HMCN2: variants seen among roughly 807,000 people sequenced by gnomAD.
HMCN2 encodes hemicentin-2.
In HMCN2, 325 loss-of-function variants were observed where a neutral mutation model predicts 377.5. That is an observed-to-expected ratio of 0.86 (90% CI 0.79 to 0.94). HMCN2 has a LOEUF of 0.94. Among genes scored for constraint, HMCN2 ranks in the 40% least tolerant of loss-of-function variants. HMCN2 has a pLI of 0.00. For synonymous variants in HMCN2, 2,007 were observed against 2,046.8 expected, an observed-to-expected ratio of 0.98 and a Z score of 0.53; for missense variants, 4,543 against 4,725.3, an observed-to-expected ratio of 0.96 and a Z score of 1.13.
Position 130,429,694 on chromosome 9 carries a change from A to C in HMCN2, c.14326+9A>C, listed in dbSNP as rs374822333. On this transcript the variant is annotated intron_variant, in intron 94 of 97. Coordinates refer to ENST00000683500, the MANE Select transcript of HMCN2 (RefSeq NM_001291815.2). ...CAGCCTGCCCTGCCTAGGTACGGGG[A>C]CACCCACCCTCTGGCCACACCGCTG... is the stretch of plus-strand genomic sequence containing the variant. 4.2e-4 allele frequency: 563 copies of C among 1,329,708 alleles called. 5 individuals are homozygous for C. The African/African-American group carries it at 7.6e-3, about 18-fold the overall frequency. The allele number at this position is 1,329,708 out of a possible 1,614,324, so 82.4% of individuals were successfully genotyped here. A position where few individuals can be genotyped will look rare whatever the true frequency, so the allele number is the denominator to read the frequency against.
rs1554936055 is a variant in HMCN2 at position 130,304,865 on chromosome 9, C to T, written c.1679C>T (p.Ser560Leu). ...CGGGACTGGCGAGTCCTGCCGGCCTCGACGGGCCGAGTTGCCCAGCTGGCT... is the reference window on the plus strand; with the variant it reads ...CGGGACTGGCGAGTCCTGCCGGCCTTGACGGGCCGAGTTGCCCAGCTGGCT... ...WVRDWRVLPASTGRVAQLADL... is the reference protein window; with the variant it reads ...WVRDWRVLPALTGRVAQLADL... Residue 560 changes from serine to leucine, a missense_variant, in exon 11 of 98, where the codon TCG (serine) becomes TTG (leucine). By Grantham distance (145) the Ser-to-Leu change is moderately radical. Around this residue, in one of 5 missense-constraint regions of HMCN2, gnomAD observed 547 missense variants for 189.9 expected, o/e 2.88. Transcript: ENST00000683500. This position sits in a 1 kb window ranked among gnomAD's most constrained non-coding sequence, Gnocchi z 4.3. 6.4e-6 allele frequency: 3 copies of T among 470,998 alleles called. No homozygotes were observed. Among genetic ancestry groups the T allele is most frequent in the Admixed American group, 4.7e-5 (2 of 42,564 alleles). The allele number at this position is 470,998 out of a possible 1,614,324, so 29.2% of individuals were successfully genotyped here.
rs181258640 is a variant in HMCN2 at position 130,363,240 on chromosome 9, C to A, written c.6232+250C>A. 5.3e-5 allele frequency among the ~76,000 whole-genome samples: 8 copies of A among 152,264 alleles called. No homozygotes were observed. In the South Asian group the frequency reaches 1.7e-3, roughly 32 times the overall value. On this transcript the variant is annotated intron_variant, in intron 40 of 97. Coordinates refer to ENST00000683500, the MANE Select transcript of HMCN2 (RefSeq NM_001291815.2). ...GCTCTGCCCCATGTTCAGGGAGACG[C>A]GGAAGGGGTGTGAAGTAGCAGGAAC...
rs753615980 is a variant in HMCN2, at chr9:130,370,973, A to G, written c.7079A>G (p.Glu2360Gly). The G allele has an allele frequency of 1.5e-5, 15 of 986,028 alleles. No individual in the cohort carries two copies. Among genetic ancestry groups the G allele is most frequent in the Non-Finnish European group, 1.8e-5 (15 of 830,156 alleles). The allele number at this position is 986,028 out of a possible 1,614,324, so 61.1% of individuals were successfully genotyped here. Reference sequence around the variant, plus strand: ...TCTTCTTTGTGTCCAGTGCCCCCAGAGCTCATTGGAGACTTGGACCCGCTG... The same window carrying G: ...TCTTCTTTGTGTCCAGTGCCCCCAGGGCTCATTGGAGACTTGGACCCGCTG... ...KFELSVLVPP[E>G]LIGDLDPLTN... Residue 2360 changes from glutamate to glycine, a missense_variant, in exon 46 of 98, where the codon GAG (glutamate) becomes GGG (glycine). Transcript: ENST00000683500.
chr9:130,352,836 T>C (rs2131530111), intron 30 of HMCN2, 91 bp from the exon 31 acceptor site: 2 of 1,068,920 alleles, frequency 1.9e-6, no homozygotes, highest in Non-Finnish European at 2.4e-6. Flanking sequence ...TGGTGTGTCT[T>C]GTGGCCCAAA....
intron 19 of HMCN2, among the ~76,000 whole-genome samples, chr9:130,322,360 A>G (rs1837904096): frequency 6.7e-6 from 1 of 150,360 alleles, no homozygotes; most frequent in Non-Finnish European, 1.5e-5. Context: ...CTATCTATCT[A>G]TCCATCTGTC....
At chr9:130,359,723 C>G (rs1262121880) in intron 37 of HMCN2, among the ~76,000 whole-genome samples, 2 of 152,084 alleles carry the variant, frequency 1.3e-5, no homozygotes, top group Non-Finnish European at 2.9e-5. Context: ...AGGGTCCTCC[C>G]CTCTAGACCA....
In HMCN2 at chr9:130,369,707, G is replaced by A; in HGVS notation, c.6925G>A (p.Gly2309Arg). The A allele has an allele frequency of 1.0e-6, 1 of 986,026 alleles. No individual in the cohort carries two copies. Among genetic ancestry groups the A allele is most frequent in the Non-Finnish European group, 1.2e-6 (1 of 830,052 alleles). 61.1% of individuals were successfully genotyped at this position (986,026 alleles called of 1,614,324 possible). Residue 2309 changes from glycine to arginine, a missense_variant, in exon 45 of 98, where the codon GGG (glycine) becomes AGG (arginine). Gly to Arg is a moderately radical substitution (Grantham distance 125, BLOSUM62 -2). This residue lies in a region of HMCN2 where 1,032 missense variants were observed against 1,285.1 expected (regional missense o/e 0.80). Transcript: ENST00000683500. The surrounding 1 kb of genome is among the most constrained non-coding windows in gnomAD (Gnocchi z 4.5). ...VTWERDGQPV[G>R]AELGLQLQNQ... ...ATGGGAGCGGGACGGCCAGCCCGTGGGGGCTGAACTGGGCCTGCAGCTGCA... is the reference window on the plus strand; with the variant it reads ...ATGGGAGCGGGACGGCCAGCCCGTGAGGGCTGAACTGGGCCTGCAGCTGCA...
rs754348649 is a variant in HMCN2 at position 130,352,478 on chromosome 9, C to T, written c.4586-449C>T. 9.2e-4 allele frequency among the ~76,000 whole-genome samples: 140 copies of T among 152,170 alleles called. 3 individuals carry two copies. The highest frequency in any genetic ancestry group is 1.0e-4 in the Non-Finnish European group (7 of 68,018). Reference sequence around the variant, plus strand: ...CGGATAGAAGGAGATTTGGGAGGGGCGTAACCATTCCATTCTGAGATGCAG... The same window carrying T: ...CGGATAGAAGGAGATTTGGGAGGGGTGTAACCATTCCATTCTGAGATGCAG... On this transcript the variant is annotated intron_variant, in intron 30 of 97. Coordinates refer to ENST00000683500, the MANE Select transcript of HMCN2 (RefSeq NM_001291815.2).
At chr9:130,274,705 G>C (rs750326473) in intron 1 of HMCN2, among the ~76,000 whole-genome samples, 17 of 152,054 alleles carry the variant, frequency 1.1e-4, no homozygotes, top group Non-Finnish European at 1.8e-4. Flanking sequence ...ACATTCACTC[G>C]TGTTAAACAT....
At position 130,285,195 on chromosome 9, in the gene HMCN2, T is replaced by G. The variant is rs1554927205; in HGVS notation, c.368T>G (p.Ile123Ser). Residue 123 changes from isoleucine to serine, a missense_variant, in exon 3 of 98, where the codon ATT becomes AGT. By Grantham distance (142) the Ile-to-Ser change is moderately radical. Around this residue, in one of 5 missense-constraint regions of HMCN2, gnomAD observed 547 missense variants for 189.9 expected, o/e 2.88. Coordinates refer to ENST00000683500, the MANE Select transcript of HMCN2 (RefSeq NM_001291815.2). Reference sequence around the variant, plus strand: ...TGCCCGGAGATGAGTGTGGGGGCCATTAAGGCTGCCGTGGAGGTTGCCAAC... The same window carrying G: ...TGCCCGGAGATGAGTGTGGGGGCCAGTAAGGCTGCCGTGGAGGTTGCCAAC... ...GDCPEMSVGA[I>S]KAAVEVANPG... 1 of 470,994 alleles carries G rather than the reference T, an allele frequency of 2.1e-6. No individual in the cohort carries two copies. Among genetic ancestry groups the G allele is most frequent in the Admixed American group, 2.3e-5 (1 of 42,556 alleles). 29.2% of individuals were successfully genotyped at this position (470,994 alleles called of 1,614,324 possible).
At chr9:130,392,788 A>G (rs1842390875) in intron 66 of HMCN2, among the ~76,000 whole-genome samples, 1 of 152,120 alleles carries the variant, frequency 6.6e-6, no homozygotes, top group South Asian at 2.1e-4. Context: ...CAAGGTCAGG[A>G]GATCAAGACC....
At chr9:130,337,045 C>T in intron 22 of HMCN2, among the ~76,000 whole-genome samples, 1 of 152,164 alleles carries the variant, frequency 6.6e-6, no homozygotes, top group East Asian at 1.9e-4. Context: ...CCCATGCTGG[C>T]TGCGTACTCT....
At chr9:130,297,103 A>G (rs1836207815) in intron 7 of HMCN2, among the ~76,000 whole-genome samples, 1 of 152,198 alleles carries the variant, frequency 6.6e-6, no homozygotes, top group African/African-American at 2.4e-5. Context: ...TTGAGTTCAC[A>G]CCTTCTTCTT....
intron 30 of HMCN2, among the ~76,000 whole-genome samples, chr9:130,352,302 A>G (rs1839771123): frequency 1.3e-5 from 2 of 152,210 alleles, no homozygotes; most frequent in South Asian, 2.1e-4. Flanking sequence ...CACCCCATAG[A>G]GCAATGTTGT....
chr9:130,337,042 T>A (rs1236975702), intron 22 of HMCN2, among the ~76,000 whole-genome samples: 5 of 152,162 alleles, frequency 3.3e-5, no homozygotes, highest in South Asian at 2.1e-4. Flanking sequence ...ACCCCCATGC[T>A]GGCTGCGTAC....
intron 61 of HMCN2, among the ~76,000 whole-genome samples, chr9:130,387,184 G>A (rs550494971): frequency 1.3e-5 from 2 of 152,230 alleles, no homozygotes; most frequent in Non-Finnish European, 2.9e-5. Flanking sequence ...GCTGGGGTGA[G>A]GAGGAGCCTA....
chr9:130,314,727 C>T (rs1837443736), intron 15 of HMCN2, among the ~76,000 whole-genome samples: 1 of 152,186 alleles, frequency 6.6e-6, no homozygotes, highest in African/African-American at 2.4e-5. Context: ...CCAGCCCTGC[C>T]CCCGTGCTCT....
At chr9:130,311,715 C>T (rs944591298) in intron 15 of HMCN2, among the ~76,000 whole-genome samples, 21 of 152,240 alleles carry the variant, frequency 1.4e-4, no homozygotes, top group South Asian at 4.2e-4. Context: ...GGGAATAGCA[C>T]GTGCAGCCCT....
At chr9:130,397,415 T>C in intron 73 of HMCN2, 113 bp from the exon 74 acceptor site, 1 of 1,046,372 alleles carries the variant, frequency 9.6e-7, no homozygotes, top group South Asian at 1.5e-5. Context: ...CCAAACCATA[T>C]CAGCATCCTC....
Sources: allele counts gnomAD v4.1 joint callset (sites outside exome capture counted in the v4.1 genomes callset), GRCh38; gene constraint gnomAD v4.1.1; regional missense constraint gnomAD v4.1.1; non-coding constraint Gnocchi (gnomAD v3.1); transcripts MANE v1.5; gene names NCBI Gene and HGNC (gene_info 2026-07-23, HGNC 2026-07-21).